PCDHA3: variants seen among roughly 807,000 people sequenced by gnomAD.
PCDHA3 encodes protocadherin alpha-3.
PCDHA3 carries 41 observed loss-of-function variants against 62.2 expected under a neutral mutation model. The ratio of observed to expected loss-of-function variants is 0.66; its 90% CI spans 0.51 to 0.86. The LOEUF is 0.86. Ranked by LOEUF, PCDHA3 falls within the 40% of genes least tolerant of loss-of-function variation. The probability of loss-of-function intolerance (pLI) is 0.00; values close to 1 mark genes in which losing one functional copy is unlikely to be tolerated. For missense variants in PCDHA3, 1,304 were observed against 1,241.2 expected, an observed-to-expected ratio of 1.05 and a Z score of -0.76; for synonymous variants, 640 against 555.4, an observed-to-expected ratio of 1.15 and a Z score of -2.14.
rs183230708 is a variant in PCDHA3, at chr5:140,914,004, A to G, written c.2395-64945A>G. Among the ~76,000 whole-genome samples, 112 of 152,288 alleles carry G rather than the reference A, an allele frequency of 7.4e-4. 1 individual carries two copies. Among genetic ancestry groups the G allele is most frequent in the Middle Eastern group, 6.8e-3 (2 of 294 alleles). On this transcript the variant is annotated intron_variant, in intron 1 of 3. Coordinates refer to ENST00000522353, the MANE Select transcript of PCDHA3 (RefSeq NM_018906.3). ...TTGTATTGTGACTAGCATATGGTCT[A>G]TCTTTGAGAATGATCCACGTGCTGA...
rs1762953312 is a variant in PCDHA3 at position 140,802,575 on chromosome 5, T to C, written c.1378T>C (p.Tyr460His). The change falls in exon 1 of 4, where the codon TAC (tyrosine) becomes CAC (histidine). Residue 460 changes from tyrosine (Y) to histidine (H), a missense_variant. By Grantham distance (83) the Tyr-to-His change is moderately conservative. Coordinates refer to ENST00000522353, the MANE Select transcript of PCDHA3 (RefSeq NM_018906.3). ...DNAPAFSQSE[Y>H]TVFVKENNPP... ...TGCGCCGGCATTCTCGCAGTCCGAG[T>C]ACACGGTGTTCGTGAAGGAGAACAA... The C allele has an allele frequency of 6.8e-6, 11 of 1,613,424 alleles. No individual in the cohort carries two copies. The highest frequency in any genetic ancestry group is 6.8e-6 in the Non-Finnish European group (8 of 1,179,886).
At chr5:140,823,540 G>T (rs1767756173) in intron 1 of PCDHA3, 3 of 1,613,850 alleles carry the variant, frequency 1.9e-6, no homozygotes, top group Non-Finnish European at 1.7e-6. Context: ...TGCGGGCCAC[G>T]TGGTGGCGAA....
In PCDHA3 at chr5:140,869,686, A is replaced by T. The variant is rs782130952; in HGVS notation, c.2394+66095A>T. ...TAAGCAGATTAAAAGACTGTCACTT[A>T]TTTTAAAGAAGTCTCTGGATAGAGA... On this transcript the variant is annotated intron_variant, in intron 1 of 3. Transcript: ENST00000522353. The T allele has an allele frequency of 5.6e-6, 9 of 1,613,330 alleles. No homozygotes were observed. In the African/African-American group the frequency reaches 1.2e-4, roughly 22 times the overall value.
intron 3 of PCDHA3, among the ~76,000 whole-genome samples, chr5:141,005,406 G>C (rs1224420854): frequency 1.3e-5 from 2 of 152,172 alleles, no homozygotes; most frequent in Non-Finnish European, 2.9e-5. Flanking sequence ...GACTTGAAGA[G>C]TGAGGAGTCA....
At chr5:140,908,529 T>C (rs1250814293) in intron 1 of PCDHA3, among the ~76,000 whole-genome samples, 1 of 152,178 alleles carries the variant, frequency 6.6e-6, no homozygotes, top group Non-Finnish European at 1.5e-5. Flanking sequence ...AAATGTTCAG[T>C]TTCCACCAAA....
chr5:140,818,593 T>C, intron 1 of PCDHA3, among the ~76,000 whole-genome samples: 1 of 152,100 alleles, frequency 6.6e-6, no homozygotes, highest in South Asian at 2.1e-4. Flanking sequence ...TCCCAACACC[T>C]GTGTGGGCCA....
At chr5:140,980,173 G>GA (rs2096879198) in intron 2 of PCDHA3, among the ~76,000 whole-genome samples, 1 of 152,162 alleles carries the variant, frequency 6.6e-6, no homozygotes, top group Non-Finnish European at 1.5e-5. Flanking sequence ...GGTATCAGAA[G>GA]AAATTCTTTA....
rs368824382 is a variant in PCDHA3 at position 140,807,628 on chromosome 5, G to T, written c.2394+4037G>T. ...ACCTGTCCATCGCGGAATCCAGGCCGCTTGACTCTCGGTTTCCACTAGAGG... is the reference window on the plus strand; with the variant it reads ...ACCTGTCCATCGCGGAATCCAGGCCTCTTGACTCTCGGTTTCCACTAGAGG... On this transcript the variant is annotated intron_variant, in intron 1 of 3. Coordinates refer to ENST00000522353, the MANE Select transcript of PCDHA3 (RefSeq NM_018906.3). 6 of 1,614,092 alleles carry T rather than the reference G, an allele frequency of 3.7e-6. No homozygotes were observed. The African/African-American group carries it at 4.0e-5, about 11-fold the overall frequency.
chr5:140,858,071 C>T (rs782061637), intron 1 of PCDHA3: 1 of 1,597,680 alleles, frequency 6.3e-7, no homozygotes, highest in Admixed American at 1.7e-5. Flanking sequence ...CAGCCAGGCA[C>T]CCAAGGCCTC....
chr5:140,952,215 C>T (rs2094705548), intron 1 of PCDHA3, among the ~76,000 whole-genome samples: 1 of 152,034 alleles, frequency 6.6e-6, no homozygotes, highest in African/African-American at 2.4e-5. Context: ...GCAGCTTTTC[C>T]AGGCACAGTG....
intron 1 of PCDHA3, among the ~76,000 whole-genome samples, chr5:140,956,442 T>A (rs557521776): frequency 2.6e-5 from 4 of 152,362 alleles, no homozygotes; most frequent in African/African-American, 9.6e-5. Flanking sequence ...GCTTATGTGA[T>A]GAATTACATT....
At chr5:140,883,760 C>A in intron 1 of PCDHA3, 1 of 1,612,790 alleles carries the variant, frequency 6.2e-7, no homozygotes, top group Non-Finnish European at 8.5e-7. Flanking sequence ...GGTGGAGCGG[C>A]GGGTGGGCGA....
In PCDHA3 at chr5:140,802,803, AGT is replaced by A. The variant is rs782772519; in HGVS notation, c.1608_1609del (p.Asp539CysfsTer71). ...EELELLQFQV[S>X]ARDAGVPPLG... ...GCTAGAGCTGCTGCAGTTCCAGGTGAGTGCGCGCGATGCGGGCGTGCCGCCTC... is the reference window on the plus strand; with the variant it reads ...GCTAGAGCTGCTGCAGTTCCAGGTGAGCGCGCGATGCGGGCGTGCCGCCTC... On this transcript the variant is annotated frameshift_variant, in exon 1 of 4. Coordinates refer to ENST00000522353, the MANE Select transcript of PCDHA3 (RefSeq NM_018906.3). LOFTEE classifies it high-confidence loss of function. 1.9e-6 allele frequency: 3 copies of A among 1,613,464 alleles called. No homozygotes were observed. In the South Asian group the frequency reaches 3.3e-5, roughly 18 times the overall value.
At chr5:140,897,154 T>C (rs530327361) in intron 1 of PCDHA3, among the ~76,000 whole-genome samples, 1 of 152,332 alleles carries the variant, frequency 6.6e-6, no homozygotes, top group African/African-American at 2.4e-5. Context: ...TTAACCATTC[T>C]TCTACTGTCT....
intron 1 of PCDHA3, chr5:140,870,533 C>T (rs1185177447): frequency 1.2e-6 from 2 of 1,614,050 alleles, no homozygotes; most frequent in East Asian, 2.2e-5. Flanking sequence ...TTCACAGTGT[C>T]GGCGCGGGAC....
intron 1 of PCDHA3, among the ~76,000 whole-genome samples, chr5:140,910,488 A>G (rs1195141583): frequency 2.0e-5 from 3 of 152,232 alleles, no homozygotes; most frequent in African/African-American, 7.2e-5. Flanking sequence ...CATACAGAGA[A>G]GAGCAATCAC....
intron 1 of PCDHA3, among the ~76,000 whole-genome samples, chr5:140,847,173 G>A (rs1554141670): frequency 6.7e-6 from 1 of 149,492 alleles, no homozygotes; most frequent in African/African-American, 2.4e-5. Context: ...ATAAACTAAA[G>A]GGCCATGAGT....
intron 1 of PCDHA3, among the ~76,000 whole-genome samples, chr5:140,958,134 T>C (rs1235856780): frequency 6.6e-6 from 1 of 152,150 alleles, no homozygotes; most frequent in African/African-American, 2.4e-5. Flanking sequence ...TGTATCAGTG[T>C]GTATATTTAT....
At chr5:140,929,050 C>T (rs946542782) in intron 1 of PCDHA3, 11 of 1,614,026 alleles carry the variant, frequency 6.8e-6, no homozygotes, top group African/African-American at 5.3e-5. Flanking sequence ...GAGCTGCTGT[C>T]GCTCTACAGA....
Sources: gnomAD v4.1 joint callset for allele counts (sites outside exome capture counted in the v4.1 genomes callset) on GRCh38, gnomAD v4.1.1 for gene constraint, MANE v1.5 for transcripts, NCBI Gene and HGNC (gene_info 2026-07-23, HGNC 2026-07-21) for gene names.